The following RASGRF1 variants were observed in gnomAD, a reference collection of about 807,000 sequenced individuals.
The protein encoded by RASGRF1 is Ras protein specific guanine nucleotide releasing factor 1.
RASGRF1 carries 40 observed loss-of-function variants against 138.7 expected under a neutral mutation model. The ratio of observed to expected loss-of-function variants is 0.29; its 90% confidence interval spans 0.22 to 0.38. The LOEUF (loss-of-function observed/expected upper bound fraction) is 0.38, where lower values mean the gene tolerates loss of function less well. Ranked by LOEUF, RASGRF1 falls within the 10% of genes least tolerant of loss-of-function variation. The pLI, the probability that RASGRF1 is intolerant of heterozygous loss-of-function variation, is 1.00. For synonymous variants in RASGRF1, 614 were observed against 663.2 expected, an observed-to-expected ratio of 0.93 and a Z score of 1.14; for missense variants, 1,108 against 1,650.4, an observed-to-expected ratio of 0.67 and a Z score of 5.69.
At chr15:79,028,006 T>A in intron 8 of RASGRF1, 147 bp from the exon 9 acceptor site, 1 of 813,142 alleles carries the variant, frequency 1.2e-6, no homozygotes, top group South Asian at 1.6e-5. Context: ...GGGAAGGGAG[T>A]GTGCATTTAC....
rs1486040538 is a variant in RASGRF1, at chr15:78,961,679, G to T, written c.*465C>A. On this transcript the variant is annotated 3_prime_UTR_variant, in exon 27 of 27. Coordinates refer to ENST00000558480, the MANE Select transcript of RASGRF1 (RefSeq NM_001145648.3). ...GACATCACCATCAGCGGGAAGATTTGTCAATGACTGGACTTCAGGGTATGG... is the reference window on the plus strand; with the variant it reads ...GACATCACCATCAGCGGGAAGATTTTTCAATGACTGGACTTCAGGGTATGG... 1 of 153,910 alleles carries T rather than the reference G, an allele frequency of 6.5e-6. No individual in the cohort carries two copies. The highest frequency in any genetic ancestry group is 1.4e-5 in the Non-Finnish European group (1 of 69,284). The allele number at this position is 153,910 out of a possible 1,614,324, so 9.5% of individuals were successfully genotyped here.
chr15:79,025,303 G>A lies in RASGRF1; in HGVS notation c.1542+11C>T, dbSNP rs201088257. 181 of 1,596,304 alleles carry A rather than the reference G, an allele frequency of 1.1e-4. No homozygotes were observed. In the African/African-American group the frequency reaches 1.4e-3, roughly 12 times the overall value. On this transcript the variant is annotated intron_variant, in intron 10 of 26. Coordinates refer to ENST00000558480, the MANE Select transcript of RASGRF1 (RefSeq NM_001145648.3). ...TGGGCAGCCCCCAAGCCCCTCTCCCGTAGCCCTTACCTTGGTCAAGTGAAG... is the reference window on the plus strand; with the variant it reads ...TGGGCAGCCCCCAAGCCCCTCTCCCATAGCCCTTACCTTGGTCAAGTGAAG...
chr15:78,982,832 C>T (rs757443853), intron 23 of RASGRF1, among the ~76,000 whole-genome samples: 3 of 152,004 alleles, frequency 2.0e-5, no homozygotes, highest in African/African-American at 4.8e-5. Flanking sequence ...CACAAATCCA[C>T]GTTAGTCATT....
Position 79,032,262 on chromosome 15 carries a change from C to T in RASGRF1, c.1013G>A (p.Arg338His), listed in dbSNP as rs769894902. 2 of 1,613,862 alleles carry T rather than the reference C, an allele frequency of 1.2e-6. No homozygotes were observed. The highest frequency in any genetic ancestry group is 1.3e-5 in the African/African-American group (1 of 74,874). ...PMLNIYQEFVRNHQYSLQILA... is the reference protein window; with the variant it reads ...PMLNIYQEFVHNHQYSLQILA... ...GATCTGCAGGCTGTACTGGTGGTTG[C>T]GGACGAACTCTTGGTAGATGTTGAG... The change falls in exon 7 of 27, where the codon CGC (arginine) becomes CAC (histidine). Residue 338 changes from arginine (R) to histidine (H), a missense_variant. Transcript: ENST00000558480. The surrounding 1 kb of genome is among the most constrained non-coding windows in gnomAD (Gnocchi z 4.5).
chr15:79,052,669 G>C (rs1339682889), intron 3 of RASGRF1, among the ~76,000 whole-genome samples: 1 of 152,220 alleles, frequency 6.6e-6, no homozygotes. Context: ...AAGTGGCAAG[G>C]CTCCCCAGGA....
At chr15:79,088,479 C>T (rs1272172192) in intron 1 of RASGRF1, among the ~76,000 whole-genome samples, 3 of 152,198 alleles carry the variant, frequency 2.0e-5, no homozygotes, top group Non-Finnish European at 2.9e-5. Context: ...AGTCACACAG[C>T]CAGGAAGTCA....
intron 17 of RASGRF1, 113 bp from the exon 18 acceptor site, chr15:78,998,938 T>A: frequency 2.6e-6 from 2 of 755,170 alleles, no homozygotes; most frequent in Non-Finnish European, 4.7e-6. Context: ...AGTGAGGGGG[T>A]CATGGGCAGG....
At chr15:79,056,016 G>A (rs974977222) in intron 3 of RASGRF1, among the ~76,000 whole-genome samples, 28 of 152,198 alleles carry the variant, frequency 1.8e-4, no homozygotes, top group African/African-American at 6.8e-4. Flanking sequence ...ATGGTGAGCT[G>A]AGTGTGGGAA....
intron 1 of RASGRF1, 113 bp from the exon 2 acceptor site, chr15:79,064,639 C>T: frequency 1.0e-6 from 1 of 959,366 alleles, no homozygotes; most frequent in Non-Finnish European, 1.7e-6. Flanking sequence ...CAGCTAGGCA[C>T]AGATTCCTTG....
intron 20 of RASGRF1, 119 bp downstream of exon 20, chr15:78,995,621 G>C: frequency 8.0e-7 from 1 of 1,247,110 alleles, no homozygotes; most frequent in Admixed American, 1.7e-5. Context: ...CCAGTTTGTG[G>C]TATTTTTTCA....
intron 13 of RASGRF1, 59 bp downstream of exon 13, chr15:79,015,268 C>T (rs2056862535): frequency 2.0e-6 from 3 of 1,524,044 alleles, no homozygotes; most frequent in East Asian, 4.5e-5. Context: ...CTGGCTGTCA[C>T]CTTGTGGTAC....
At chr15:78,984,856 T>TA in intron 23 of RASGRF1, 151 bp downstream of exon 23, 1 of 802,644 alleles carries the variant, frequency 1.2e-6, no homozygotes, top group Non-Finnish European at 2.1e-6. Flanking sequence ...CCAGGTGATA[T>TA]AGGGGAAGCT....
rs761909665 is a variant in RASGRF1 at position 79,049,536 on chromosome 15, G to A, written c.584C>T (p.Ala195Val). Reference sequence around the variant, plus strand: ...GATGTCGCTGTCTTCATCGTTGGGGGCGACAGTCTGGGTGGACTGGATGCG... The same window carrying A: ...GATGTCGCTGTCTTCATCGTTGGGGACGACAGTCTGGGTGGACTGGATGCG... The part of the protein sequence containing the change: ...NERIQSTQTV[A>V]PNDEDSDIKK... The change falls in exon 4 of 27, where the codon GCC (alanine) becomes GTC (valine). Residue 195 changes from alanine to valine, a missense_variant. By Grantham distance (64) the Ala-to-Val change is moderately conservative (BLOSUM62 0). Around this residue, in one of 3 missense-constraint regions of RASGRF1, gnomAD observed 253 missense variants for 329.5 expected, o/e 0.77. Coordinates refer to ENST00000558480, the MANE Select transcript of RASGRF1 (RefSeq NM_001145648.3). The A allele has an allele frequency of 1.2e-6, 2 of 1,614,098 alleles. No homozygotes were observed. Among genetic ancestry groups the A allele is most frequent in the East Asian group, 2.2e-5 (1 of 44,880 alleles).
chr15:79,002,970 C>T (rs555792617), intron 15 of RASGRF1, among the ~76,000 whole-genome samples: 4 of 152,348 alleles, frequency 2.6e-5, no homozygotes, highest in South Asian at 2.1e-4. Flanking sequence ...ATGTGCTAAC[C>T]GAGACAATGC....
At chr15:79,043,874 A>G (rs1053695829) in intron 5 of RASGRF1, among the ~76,000 whole-genome samples, 7 of 152,174 alleles carry the variant, frequency 4.6e-5, no homozygotes, top group African/African-American at 1.4e-4. Flanking sequence ...AACCTCTTTG[A>G]TGTTTCTGAC....
chr15:79,011,860 T>C (rs1415536349), intron 13 of RASGRF1, among the ~76,000 whole-genome samples: 1 of 152,026 alleles, frequency 6.6e-6, no homozygotes, highest in Admixed American at 6.6e-5. Flanking sequence ...TTGTAATTGA[T>C]ACACTATTAG....
rs940766957 is a variant in RASGRF1, at chr15:78,971,909, C to T, written c.3638G>A (p.Arg1213His). ...TTTGTAGGCAGTTTGTTGAAACTGG[C>T]GAATCTCTCGGATAATATGGGATAT... ...RMISHIIREI[R>H]QFQQTAYKIE... The change falls in exon 26 of 27, where the codon CGC becomes CAC. Residue 1213 changes from arginine (R) to histidine (H), a missense_variant. By Grantham distance (29) the Arg-to-His change is conservative (BLOSUM62 0). Transcript: ENST00000558480. The T allele has an allele frequency of 7.6e-6, 12 of 1,588,734 alleles. No individual in the cohort carries two copies. The highest frequency in any genetic ancestry group is 2.2e-5 in the South Asian group (2 of 90,486).
In RASGRF1 at chr15:79,035,124, T is replaced by TACTC. The variant is rs1291003863; in HGVS notation, c.958+3_958+6dup. The TACTC allele has an allele frequency of 6.2e-7, 1 of 1,609,708 alleles. No homozygotes were observed. The highest frequency in any genetic ancestry group is 1.3e-5 in the African/African-American group (1 of 74,842). On this transcript the variant is annotated splice_region_variant and intron_variant, in intron 6 of 26. Transcript: ENST00000558480. ...TCTGGGGGCCGCAGTGAGGGCTGACTACTCACCCAGGACCAGCGTGGGCCA... is the reference window on the plus strand; with the variant it reads ...TCTGGGGGCCGCAGTGAGGGCTGACTACTCACTCACCCAGGACCAGCGTGGGCCA...
rs901077095 is a variant in RASGRF1, at chr15:78,984,871, T to G, written c.3414+136A>C. ...CCAGGTGATATAGGGGAAGCTATTC[T>G]GTTTTACCTGGGAGTGTTAGACCTC... On this transcript the variant is annotated intron_variant, in intron 23 of 26. Coordinates refer to ENST00000558480, the MANE Select transcript of RASGRF1 (RefSeq NM_001145648.3). 8 of 927,902 alleles carry G rather than the reference T, an allele frequency of 8.6e-6. No homozygotes were observed. The East Asian group carries it at 2.1e-4, about 25-fold the overall frequency. 57.5% of individuals were successfully genotyped at this position (927,902 alleles called of 1,614,324 possible). A position where few individuals can be genotyped will look rare whatever the true frequency, so the allele number is the denominator to read the frequency against.
Sources: gnomAD v4.1 joint callset for allele counts (sites outside exome capture counted in the v4.1 genomes callset) on GRCh38, gnomAD v4.1.1 for gene constraint, gnomAD v4.1.1 regional missense constraint, Gnocchi (gnomAD v3.1) non-coding constraint, MANE v1.5 for transcripts, NCBI Gene and HGNC (gene_info 2026-07-23, HGNC 2026-07-21) for gene names.